Variants in ATG16L1 observed in about 807,000 individuals in gnomAD.
The protein encoded by ATG16L1 is autophagy-related protein 16-1.
In ATG16L1, 37 loss-of-function variants were observed where a neutral mutation model predicts 88.5. The ratio of observed to expected loss-of-function variants is 0.42; its 90% CI spans 0.32 to 0.55. The LOEUF (loss-of-function observed/expected upper bound fraction) is 0.55, where lower values mean the gene tolerates loss of function less well. Among genes scored for constraint, ATG16L1 ranks in the 20% least tolerant of loss-of-function variants. ATG16L1 has a pLI of 0.13. For missense variants in ATG16L1, 554 were observed against 752.8 expected, an observed-to-expected ratio of 0.74 and a Z score of 3.09; for synonymous variants, 301 against 281.0, an observed-to-expected ratio of 1.07 and a Z score of -0.71.
In ATG16L1 at chr2:233,260,880, A is replaced by ATC. The variant is rs568610396; in HGVS notation, c.210-2248_210-2247dup. On this transcript the variant is annotated intron_variant, in intron 2 of 17. Coordinates refer to ENST00000392017, the MANE Select transcript of ATG16L1 (RefSeq NM_030803.7). The stretch of plus-strand genomic sequence containing the variant: ...AATGAAACCATCCTTGTCTGGGGAA[A>ATC]TCTTTGCCTCTGAACATGATTAACA... 1.7e-3 allele frequency among the ~76,000 whole-genome samples: 260 copies of ATC among 152,242 alleles called. 2 individuals are homozygous for ATC. The highest frequency in any genetic ancestry group is 2.1e-3 in the Non-Finnish European group (145 of 68,010).
intron 5 of ATG16L1, among the ~76,000 whole-genome samples, chr2:233,269,271 G>A (rs1697816859): frequency 6.6e-6 from 1 of 152,162 alleles, no homozygotes; most frequent in African/African-American, 2.4e-5. Context: ...GTTGTTATAA[G>A]GCTTAAATGA....
intron 7 of ATG16L1, 93 bp from the exon 8 acceptor site, chr2:233,273,628 A>ATT: frequency 8.2e-7 from 1 of 1,218,164 alleles, no homozygotes; most frequent in East Asian, 2.3e-5. Context: ...TGGGAAACAT[A>ATT]TTCCCAGTTA....
intron 7 of ATG16L1, 82 bp from the exon 8 acceptor site, chr2:233,273,639 C>T: frequency 7.6e-7 from 1 of 1,324,416 alleles, no homozygotes; most frequent in Non-Finnish European, 1.1e-6. Context: ...TTCCCAGTTA[C>T]CTGTTTTTGT....
chr2:233,252,059 C>G, intron 1 of ATG16L1, 117 bp downstream of exon 1: 3 of 781,906 alleles, frequency 3.8e-6, no homozygotes, highest in Non-Finnish European at 5.6e-6. Context: ...TGGCGGCCGC[C>G]CCGGGTAACC....
intron 2 of ATG16L1, among the ~76,000 whole-genome samples, chr2:233,262,813 G>A (rs73110098): frequency 0.078 from 11,799 of 152,186 alleles, 498 homozygotes; most frequent in African/African-American, 0.11. Context: ...CTGCGTCATC[G>A]GCACTCAGGT....
At position 233,269,429 on chromosome 2, in the gene ATG16L1, T is replaced by G. The variant is rs574380136; in HGVS notation, c.642-573T>G. 9.6e-4 allele frequency among the ~76,000 whole-genome samples: 146 copies of G among 152,346 alleles called. 1 individual carries two copies. Among genetic ancestry groups the G allele is most frequent in the Middle Eastern group, 3.4e-3 (1 of 294 alleles). The stretch of plus-strand genomic sequence containing the variant: ...CAATGCTCCAGAATCTGAAACTTCT[T>G]GAGTGCCAACATGACACTCAAAGGA... On this transcript the variant is annotated intron_variant, in intron 5 of 17. Coordinates refer to ENST00000392017, the MANE Select transcript of ATG16L1 (RefSeq NM_030803.7).
At chr2:233,268,389 G>A (rs190125331) in intron 5 of ATG16L1, among the ~76,000 whole-genome samples, 148 of 152,316 alleles carry the variant, frequency 9.7e-4, no homozygotes, top group African/African-American at 3.5e-3. Context: ...AACACAGGAA[G>A]CGGAGATTGC....
At chr2:233,282,550 G>T (rs1373268368) in intron 11 of ATG16L1, 132 bp from the exon 12 acceptor site, 2 of 754,846 alleles carry the variant, frequency 2.6e-6, no homozygotes, top group Admixed American at 2.1e-5. Flanking sequence ...GACAGTAGCT[G>T]GTATTCAGGC....
At chr2:233,255,213 TCCTTG>T (rs1432283320) in intron 1 of ATG16L1, among the ~76,000 whole-genome samples, 1 of 152,148 alleles carries the variant, frequency 6.6e-6, no homozygotes. Flanking sequence ...TAGTTTGCCT[TCCTTG>T]GCCTTCCAAA....
chr2:233,274,751 G>A lies in ATG16L1; in HGVS notation c.927G>A (p.Arg309=), dbSNP rs768552838. The change falls in exon 9 of 18, where the codon AGG becomes AGA. Residue 309 remains arginine, a synonymous_variant. Transcript: ENST00000392017. The stretch of plus-strand genomic sequence containing the variant: ...ATCCTGGTTCTGGTAAAGAAGTGAG[G>A]GTACCAGCTACTGCCTTGTGTGTCT... The part of the protein sequence containing the change: ...DTHPGSGKEV[R]VPATALCVFD... The A allele has an allele frequency of 6.2e-7, 1 of 1,612,560 alleles. No homozygotes were observed. The highest frequency in any genetic ancestry group is 2.2e-5 in the East Asian group (1 of 44,874).
chr2:233,289,761 C>A, intron 12 of ATG16L1, 93 bp from the exon 13 acceptor site: 1 of 1,543,036 alleles, frequency 6.5e-7, no homozygotes, highest in South Asian at 1.1e-5. Flanking sequence ...GTCTGACACT[C>A]TGACTCTGGA....
chr2:233,258,062 T>A (rs1019067838), intron 2 of ATG16L1, among the ~76,000 whole-genome samples: 3 of 151,614 alleles, frequency 2.0e-5, no homozygotes, highest in Non-Finnish European at 4.4e-5. Context: ...TATCTCTTGG[T>A]GTGTATTGAT....
rs371695949 is a variant in ATG16L1 at position 233,285,398 on chromosome 2, G to A, written c.1203+2645G>A. Among the ~76,000 whole-genome samples, 60 of 152,250 alleles carry A rather than the reference G, an allele frequency of 3.9e-4. 1 individual carries two copies. In the South Asian group the frequency reaches 0.012, roughly 30 times the overall value. On this transcript the variant is annotated intron_variant, in intron 12 of 17. Transcript: ENST00000392017. ...CTTTGGGTCAGAAATAACAAGAAGGGGACCTAGAGCAGGGAGCTAGACTGA... is the reference window on the plus strand; with the variant it reads ...CTTTGGGTCAGAAATAACAAGAAGGAGACCTAGAGCAGGGAGCTAGACTGA...
At chr2:233,293,011 A>T (rs11679064) in intron 16 of ATG16L1, among the ~76,000 whole-genome samples, 1 of 152,162 alleles carries the variant, frequency 6.6e-6, no homozygotes, top group Non-Finnish European at 1.5e-5. Context: ...AAGTCTGTAG[A>T]TGGTTAAGGA....
chr2:233,277,674 G>GT lies in ATG16L1; in HGVS notation c.1060+2dup, dbSNP rs781473633. ...GTTAAGCTTTGGGAAGTATTTGGAG[G>GT]TGAGAGCCTGCTGCATGTTCTCAGA... On this transcript the variant is annotated splice_donor_variant, in intron 10 of 17. Transcript: ENST00000392017. LOFTEE classifies it high-confidence loss of function. 1 of 1,612,880 alleles carries GT rather than the reference G, an allele frequency of 6.2e-7. No individual in the cohort carries two copies. Among genetic ancestry groups the GT allele is most frequent in the South Asian group, 1.1e-5 (1 of 91,048 alleles).
At chr2:233,283,356 T>C (rs1270919321) in intron 12 of ATG16L1, among the ~76,000 whole-genome samples, 1 of 151,980 alleles carries the variant, frequency 6.6e-6, no homozygotes, top group Non-Finnish European at 1.5e-5. Flanking sequence ...GCAGACATTT[T>C]TTTTCCCCAT....
chr2:233,281,187 A>G lies in ATG16L1; in HGVS notation c.1131+12A>G, dbSNP rs1367826664. ...AATTTGATAGTGCTGTAAGTATTGA[A>G]TAGCTATGATTTTAAAGGTTTTTAG... On this transcript the variant is annotated intron_variant, in intron 11 of 17. Transcript: ENST00000392017. 6 of 1,554,212 alleles carry G rather than the reference A, an allele frequency of 3.9e-6. No homozygotes were observed. In the African/African-American group the frequency reaches 5.5e-5, roughly 14 times the overall value.
chr2:233,259,631 T>C (rs1697060342), intron 2 of ATG16L1, among the ~76,000 whole-genome samples: 1 of 152,226 alleles, frequency 6.6e-6, no homozygotes, highest in South Asian at 2.1e-4. Flanking sequence ...AGGTTACCCC[T>C]TGTTCAGTCT....
chr2:233,274,846 C>T lies in ATG16L1; in HGVS notation c.954+68C>T, dbSNP rs76626012. The T allele has an allele frequency of 1.7e-3, 1,854 of 1,108,294 alleles. 29 individuals carry two copies. The African/African-American group carries it at 0.026, about 15-fold the overall frequency. 68.7% of individuals were successfully genotyped at this position (1,108,294 alleles called of 1,614,324 possible). On this transcript the variant is annotated intron_variant, in intron 9 of 17. Coordinates refer to ENST00000392017, the MANE Select transcript of ATG16L1 (RefSeq NM_030803.7). ...TGACAGAGCCTGGCAATTAAAGGGT[C>T]CTTTCTAGGCCTGCAGCTAAGCATT...
Sources: gnomAD v4.1 joint callset for allele counts (sites outside exome capture counted in the v4.1 genomes callset) on GRCh38, gnomAD v4.1.1 for gene constraint, MANE v1.5 for transcripts, NCBI Gene and HGNC (gene_info 2026-07-23, HGNC 2026-07-21) for gene names.